MTUS2: variants seen among roughly 807,000 people sequenced by gnomAD.
The protein encoded by MTUS2 is microtubule associated scaffold protein 2, also known as microtubule-associated tumor suppressor candidate 2.
MTUS2 carries 40 observed loss-of-function variants against 114.1 expected under a neutral mutation model. The ratio of observed to expected loss-of-function variants is 0.35; its 90% CI spans 0.27 to 0.46. The LOEUF is 0.46. Ranked by LOEUF, MTUS2 falls within the 20% of genes least tolerant of loss-of-function variation. The pLI, the probability that MTUS2 is intolerant of heterozygous loss-of-function variation, is 1.00. For missense variants in MTUS2, 1,679 were observed against 1,705.4 expected, an observed-to-expected ratio of 0.98 and a Z score of 0.27; for synonymous variants, 688 against 672.0, an observed-to-expected ratio of 1.02 and a Z score of -0.37.
chr13:29,128,606 A>G (rs1448806309), intron 5 of MTUS2, among the ~76,000 whole-genome samples: 1 of 152,232 alleles, frequency 6.6e-6, no homozygotes, highest in Non-Finnish European at 1.5e-5. Context: ...ATGAGCAAGG[A>G]TGAAAAATAT....
At chr13:29,131,810 A>G (rs1293004744) in intron 5 of MTUS2, among the ~76,000 whole-genome samples, 1 of 152,232 alleles carries the variant, frequency 6.6e-6, no homozygotes, top group Non-Finnish European at 1.5e-5. Flanking sequence ...AGAGTTTGGA[A>G]AACACCAGTT....
chr13:29,171,926 T>G (rs1340862994), intron 5 of MTUS2, among the ~76,000 whole-genome samples: 1 of 152,162 alleles, frequency 6.6e-6, no homozygotes, highest in East Asian at 1.9e-4. Flanking sequence ...TCTACTTACG[T>G]CTCCTGAGTC....
intron 5 of MTUS2, among the ~76,000 whole-genome samples, chr13:29,113,431 A>G (rs1043443976): frequency 2.0e-5 from 3 of 152,338 alleles, no homozygotes; most frequent in African/African-American, 4.8e-5. Context: ...GCTGGTTTGT[A>G]ATAGGGCCCT....
intron 8 of MTUS2, among the ~76,000 whole-genome samples, chr13:29,376,998 T>C (rs1871808440): frequency 6.6e-6 from 1 of 152,064 alleles, no homozygotes; most frequent in African/African-American, 2.4e-5. Flanking sequence ...AGAAGTATGA[T>C]AGAAGAAGTA....
intron 4 of MTUS2, among the ~76,000 whole-genome samples, chr13:29,049,007 G>A (rs1000109590): frequency 1.1e-4 from 16 of 152,180 alleles, no homozygotes; most frequent in African/African-American, 3.4e-4. Context: ...GCCTTATTAG[G>A]CGTGTACTGA....
In MTUS2 at chr13:28,823,067, G is replaced by A. The variant is rs141598913; in HGVS notation, c.-316+2456G>A. Among the ~76,000 whole-genome samples the A allele has an allele frequency of 1.4e-4, 22 of 152,136 alleles. No individual in the cohort carries two copies. In the East Asian group the frequency reaches 4.1e-3, roughly 28 times the overall value. The stretch of plus-strand genomic sequence containing the variant: ...CGGGTTGGGGAAGGGAGGAAAGTGG[G>A]TTAAAGCTCTTCCTCCTCTCAGAGG... On this transcript the variant is annotated intron_variant, in intron 1 of 15. Transcript: ENST00000612955.
At chr13:28,907,569 A>C (rs985750040) in intron 2 of MTUS2, among the ~76,000 whole-genome samples, 2 of 151,490 alleles carry the variant, frequency 1.3e-5, no homozygotes, top group African/African-American at 2.4e-5. Context: ...TCTGCCAAGC[A>C]AATGGAAAAC....
intron 2 of MTUS2, among the ~76,000 whole-genome samples, chr13:28,923,624 A>G (rs971251759): frequency 2.0e-5 from 3 of 152,164 alleles, no homozygotes; most frequent in African/African-American, 4.8e-5. Flanking sequence ...TGCTGACCAT[A>G]GAAGAGTCAG....
rs1875343368 is a variant in MTUS2 at position 28,839,761 on chromosome 13, ATCTTTT to A, written c.-315-9_-315-4del. On this transcript the variant is annotated splice_polypyrimidine_tract_variant and intron_variant, in intron 1 of 15. Transcript: ENST00000612955. ...TCTTTCTCCTTCTAAATTTTCCTGTATCTTTTTCTTTTTAAGGTTTCCACAGCTGGA... is the reference window on the plus strand; with the variant it reads ...TCTTTCTCCTTCTAAATTTTCCTGTATCTTTTTAAGGTTTCCACAGCTGGA... 1 of 152,120 alleles carries A rather than the reference ATCTTTT, an allele frequency of 6.6e-6. No homozygotes were observed. Among genetic ancestry groups the A allele is most frequent in the Non-Finnish European group, 1.5e-5 (1 of 68,002 alleles). 9.4% of individuals were successfully genotyped at this position (152,120 alleles called of 1,614,324 possible).
intron 5 of MTUS2, among the ~76,000 whole-genome samples, chr13:29,168,643 A>G (rs1448082367): frequency 6.6e-6 from 1 of 152,192 alleles, no homozygotes; most frequent in East Asian, 1.9e-4. Flanking sequence ...ATTTTTGGGC[A>G]GGAAGATGGG....
intron 5 of MTUS2, among the ~76,000 whole-genome samples, chr13:29,276,846 C>T (rs542782168): frequency 2.0e-5 from 3 of 151,884 alleles, no homozygotes; most frequent in Non-Finnish European, 4.4e-5. Flanking sequence ...TGCAGTGAGT[C>T]GAGACCGTGC....
intron 8 of MTUS2, among the ~76,000 whole-genome samples, chr13:29,435,481 G>A (rs9579374): frequency 0.031 from 4,706 of 152,268 alleles, 101 homozygotes; most frequent in Middle Eastern, 0.054. Flanking sequence ...GGGAATGGAG[G>A]GGAGTAATGA....
chr13:29,498,353 C>T (rs1882683022), intron 13 of MTUS2, 65 bp from the exon 14 acceptor site: 1 of 1,597,404 alleles, frequency 6.3e-7, no homozygotes. Flanking sequence ...GGATTCGTGA[C>T]ATTGGTTAAT....
intron 2 of MTUS2, among the ~76,000 whole-genome samples, chr13:28,847,321 G>A (rs557368272): frequency 6.6e-6 from 1 of 152,122 alleles, no homozygotes; most frequent in East Asian, 1.9e-4. Flanking sequence ...GAGGATGAGG[G>A]TGGAGTATAA....
At chr13:29,274,317 A>G (rs1449102913) in intron 5 of MTUS2, among the ~76,000 whole-genome samples, 2 of 151,980 alleles carry the variant, frequency 1.3e-5, no homozygotes, top group Non-Finnish European at 2.9e-5. Flanking sequence ...TCACCGTGTT[A>G]GTCAGGATGG....
intron 5 of MTUS2, among the ~76,000 whole-genome samples, chr13:29,233,905 A>C (rs1292575981): frequency 6.6e-6 from 1 of 152,224 alleles, no homozygotes; most frequent in Non-Finnish European, 1.5e-5. Flanking sequence ...TGCCACTGCC[A>C]TACCTCACAT....
chr13:29,472,053 C>T (rs113790018), intron 9 of MTUS2, among the ~76,000 whole-genome samples: 10,241 of 152,184 alleles, frequency 0.067, 402 homozygotes, highest in Non-Finnish European at 0.079. Flanking sequence ...GAGATGAAGT[C>T]TTGCTCTGTC....
intron 2 of MTUS2, among the ~76,000 whole-genome samples, chr13:28,988,149 A>C (rs1366939618): frequency 1.3e-5 from 2 of 152,252 alleles, no homozygotes; most frequent in Admixed American, 6.5e-5. Flanking sequence ...AAACAGCATA[A>C]GAATCCATGT....
chr13:29,112,536 T>G (rs1268847627), intron 5 of MTUS2, among the ~76,000 whole-genome samples: 1 of 152,066 alleles, frequency 6.6e-6, no homozygotes, highest in Non-Finnish European at 1.5e-5. Context: ...CTACTACTGT[T>G]GAGAAGTTTG....
Sources: allele counts gnomAD v4.1 joint callset (sites outside exome capture counted in the v4.1 genomes callset), GRCh38; gene constraint gnomAD v4.1.1; transcripts MANE v1.5; gene names NCBI Gene and HGNC (gene_info 2026-07-23, HGNC 2026-07-21).